ASTN2: variants seen among roughly 807,000 people sequenced by gnomAD.
The protein encoded by ASTN2 is astrotactin-2.
Under a neutral mutation model 139.8 loss-of-function variants are expected in ASTN2, and 54 were observed. The ratio of observed to expected loss-of-function variants is 0.39; its 90% CI spans 0.31 to 0.48. ASTN2 has a LOEUF of 0.48. ASTN2 is among the 20% of genes least tolerant of loss of function. The pLI is 0.95. For synonymous variants in ASTN2, 756 were observed against 719.5 expected (o/e 1.05, Z -0.81); for missense variants, 1,565 against 1,725.1 (o/e 0.91, Z 1.64).
At chr9:116,734,593 A>C (rs1828875369) in intron 13 of ASTN2, among the ~76,000 whole-genome samples, 1 of 151,202 alleles carries the variant, frequency 6.6e-6, no homozygotes, top group African/African-American at 2.4e-5. Flanking sequence ...GAGAAGGGGG[A>C]GGAGAAGAAC....
chr9:116,528,731 C>T (rs552117690), intron 19 of ASTN2, among the ~76,000 whole-genome samples: 11 of 152,296 alleles, frequency 7.2e-5, no homozygotes, highest in African/African-American at 2.6e-4. Flanking sequence ...CTCTATGCAG[C>T]CTTGGGACAT....
chr9:116,684,156 G>C (rs1413167000), intron 16 of ASTN2, among the ~76,000 whole-genome samples: 1 of 152,126 alleles, frequency 6.6e-6, no homozygotes, highest in Non-Finnish European at 1.5e-5. Flanking sequence ...GCTGAGCTTG[G>C]CTTTTAAAAA....
intron 16 of ASTN2, among the ~76,000 whole-genome samples, chr9:116,652,158 T>C (rs1288344201): frequency 1.3e-5 from 2 of 151,794 alleles, no homozygotes; most frequent in African/African-American, 4.8e-5. Context: ...AACCCATATC[T>C]ACTAAAAATA....
At chr9:116,679,564 G>C (rs965886614) in intron 16 of ASTN2, among the ~76,000 whole-genome samples, 21 of 152,044 alleles carry the variant, frequency 1.4e-4, no homozygotes, top group African/African-American at 5.1e-4. Context: ...TGTCAATTGT[G>C]TCTTCAAGTG....
At chr9:117,313,641 C>T (rs148972873) in intron 1 of ASTN2, among the ~76,000 whole-genome samples, 180 of 152,242 alleles carry the variant, frequency 1.2e-3, no homozygotes, top group Non-Finnish European at 2.1e-3. Flanking sequence ...TTGAGTGCCA[C>T]TGATTGATAA....
intron 4 of ASTN2, among the ~76,000 whole-genome samples, chr9:117,127,749 T>C (rs1181415903): frequency 1.4e-5 from 2 of 143,218 alleles, no homozygotes; most frequent in Admixed American, 1.4e-4. Context: ...GGCACGATCT[T>C]GGCTCACTGC....
intron 20 of ASTN2, among the ~76,000 whole-genome samples, chr9:116,454,869 T>C (rs1018987615): frequency 3.3e-5 from 5 of 152,028 alleles, no homozygotes; most frequent in African/African-American, 4.8e-5. Flanking sequence ...GTGGGGATCA[T>C]CACACACTGG....
chr9:117,053,522 G>T (rs1311848184), intron 5 of ASTN2, among the ~76,000 whole-genome samples: 1 of 152,110 alleles, frequency 6.6e-6, no homozygotes. Context: ...GAAAAATGAA[G>T]CCTGGGGAGA....
At chr9:116,714,282 A>G (rs1828250868) in intron 16 of ASTN2, among the ~76,000 whole-genome samples, 1 of 152,166 alleles carries the variant, frequency 6.6e-6, no homozygotes, top group African/African-American at 2.4e-5. Flanking sequence ...AAGCTGACAG[A>G]TTAGCCAGGG....
intron 11 of ASTN2, among the ~76,000 whole-genome samples, chr9:116,857,219 G>A (rs1198382640): frequency 6.6e-6 from 1 of 152,118 alleles, no homozygotes; most frequent in Admixed American, 6.5e-5. Context: ...TTGTAAAATG[G>A]ACATGATAGT....
At chr9:116,589,065 T>A (rs772141339) in intron 19 of ASTN2, among the ~76,000 whole-genome samples, 3 of 152,188 alleles carry the variant, frequency 2.0e-5, no homozygotes, top group Non-Finnish European at 2.9e-5. Context: ...GTTTAATATG[T>A]CCAACAAGGA....
At chr9:117,354,139 G>C (rs1564162068) in intron 1 of ASTN2, among the ~76,000 whole-genome samples, 1 of 152,110 alleles carries the variant, frequency 6.6e-6, no homozygotes, top group Non-Finnish European at 1.5e-5. Context: ...TGTGTGGTGG[G>C]GAAGGGCGGA....
chr9:116,901,271 G>C (rs979903969), intron 10 of ASTN2, among the ~76,000 whole-genome samples: 1 of 152,174 alleles, frequency 6.6e-6, no homozygotes, highest in African/African-American at 2.4e-5. Context: ...ACACCCATAA[G>C]GAGGCTGAGG....
At chr9:117,233,525 C>T (rs574892623) in intron 2 of ASTN2, among the ~76,000 whole-genome samples, 2 of 152,258 alleles carry the variant, frequency 1.3e-5, no homozygotes, top group African/African-American at 2.4e-5. Context: ...TGCATCCAAA[C>T]ATACACAACC....
intron 19 of ASTN2, among the ~76,000 whole-genome samples, chr9:116,555,651 C>T (rs1339305397): frequency 1.3e-5 from 2 of 152,076 alleles, no homozygotes; most frequent in African/African-American, 4.8e-5. Context: ...GATATCCCAG[C>T]TCTGGAGAAG....
intron 11 of ASTN2, among the ~76,000 whole-genome samples, chr9:116,824,378 T>C (rs1238192567): frequency 3.2e-5 from 2 of 63,054 alleles, no homozygotes; most frequent in Non-Finnish European, 6.9e-5. Context: ...TCTCTCCCTC[T>C]GTCTGTCTCT....
At chr9:117,027,577 C>T (rs1037756510) in intron 6 of ASTN2, among the ~76,000 whole-genome samples, 2 of 152,090 alleles carry the variant, frequency 1.3e-5, no homozygotes, top group Non-Finnish European at 2.9e-5. Context: ...AACAGAAGTG[C>T]ACATTCTCAC....
At chr9:117,001,824 T>C (rs191424214) in intron 7 of ASTN2, among the ~76,000 whole-genome samples, 2 of 152,266 alleles carry the variant, frequency 1.3e-5, no homozygotes, top group Admixed American at 1.3e-4. Flanking sequence ...CTACACTGTG[T>C]TTTTGATAAT....
intron 20 of ASTN2, among the ~76,000 whole-genome samples, chr9:116,477,328 G>C (rs142561782): frequency 6.6e-6 from 1 of 152,036 alleles, no homozygotes; most frequent in Non-Finnish European, 1.5e-5. Flanking sequence ...AGGTCAGTAC[G>C]ACCTGATGTT....
Sources: gnomAD v4.1 joint callset for allele counts (sites outside exome capture counted in the v4.1 genomes callset) on GRCh38, gnomAD v4.1.1 for gene constraint, MANE v1.5 for transcripts, NCBI Gene and HGNC (gene_info 2026-07-23, HGNC 2026-07-21) for gene names.